DMXL1: variants seen among roughly 807,000 people sequenced by gnomAD.
DMXL1 encodes the protein Dmx like 1, also known as dmX-like protein 1.
A neutral mutation model predicts 319.2 loss-of-function variants in DMXL1; 99 were observed. That is an observed-to-expected ratio of 0.31 (90% CI 0.26 to 0.37). The LOEUF (loss-of-function observed/expected upper bound fraction) is 0.37, where lower values mean the gene tolerates loss of function less well. DMXL1 is among the 10% of genes least tolerant of loss of function. The probability of loss-of-function intolerance (pLI) is 1.00; values close to 1 mark genes in which losing one functional copy is unlikely to be tolerated. For synonymous variants in DMXL1, 1,385 were observed against 1,235.2 expected (o/e 1.12, Z -2.54); for missense variants, 3,745 against 3,595.6 (o/e 1.04, Z -1.06).
At chr5:119,095,387 A>G (rs1009525421) in intron 1 of DMXL1, among the ~76,000 whole-genome samples, 21 of 152,160 alleles carry the variant, frequency 1.4e-4, no homozygotes, top group Admixed American at 9.8e-4. Flanking sequence ...ATTACTTTAC[A>G]TTTCTCAACT....
At chr5:119,123,441 G>A (rs1580844009) in intron 9 of DMXL1, among the ~76,000 whole-genome samples, 2 of 137,226 alleles carry the variant, frequency 1.5e-5, no homozygotes, top group Non-Finnish European at 3.2e-5. Context: ...GAGGGAGAGG[G>A]AGAGGAGGGA....
intron 7 of DMXL1, among the ~76,000 whole-genome samples, chr5:119,117,693 GAA>G (rs1159666124): frequency 1.3e-5 from 2 of 151,940 alleles, no homozygotes; most frequent in Non-Finnish European, 2.9e-5. Flanking sequence ...AAAGGGAGAA[GAA>G]AACAAGGAAG....
At chr5:119,123,430 GGAGGGA>G (rs370624713) in intron 9 of DMXL1, among the ~76,000 whole-genome samples, 1 of 137,816 alleles carries the variant, frequency 7.3e-6, no homozygotes, top group African/African-American at 2.7e-5. Flanking sequence ...GAGAGGGAGA[GGAGGGA>G]GAGGGAGAGG....
chr5:119,221,997 T>C (rs1250975602), intron 37 of DMXL1, among the ~76,000 whole-genome samples: 2 of 152,066 alleles, frequency 1.3e-5, no homozygotes, highest in Non-Finnish European at 2.9e-5. Flanking sequence ...AGAAAGGTGG[T>C]AGGGTTTTTC....
chr5:119,111,416 ATATT>A (rs1268853728), intron 5 of DMXL1, among the ~76,000 whole-genome samples: 3 of 152,200 alleles, frequency 2.0e-5, no homozygotes, highest in South Asian at 2.1e-4. Flanking sequence ...ATGTTTTTAT[ATATT>A]AGGTTAAATA....
chr5:119,213,279 A>G (rs1174707060), intron 34 of DMXL1, among the ~76,000 whole-genome samples: 1 of 152,120 alleles, frequency 6.6e-6, no homozygotes, highest in African/African-American at 2.4e-5. Context: ...GCCCATCATC[A>G]TCTAATTTCT....
chr5:119,209,702 A>T (rs1183002807), intron 34 of DMXL1, among the ~76,000 whole-genome samples: 1 of 152,110 alleles, frequency 6.6e-6, no homozygotes, highest in African/African-American at 2.4e-5. Context: ...CATTTTAACC[A>T]TTCTAGTAGG....
At chr5:119,094,514 G>T (rs911116124) in intron 1 of DMXL1, among the ~76,000 whole-genome samples, 83 of 152,216 alleles carry the variant, frequency 5.5e-4, no homozygotes, top group African/African-American at 1.8e-3. Context: ...GGTGTACAAG[G>T]AGATTAATGT....
intron 32 of DMXL1, among the ~76,000 whole-genome samples, chr5:119,201,955 C>A (rs984264064): frequency 6.6e-6 from 1 of 152,030 alleles, no homozygotes; most frequent in African/African-American, 2.4e-5. Flanking sequence ...TGTATCTTCT[C>A]TCTTTTCTTT....
intron 19 of DMXL1, among the ~76,000 whole-genome samples, chr5:119,153,667 C>T (rs1770340650): frequency 6.6e-6 from 1 of 152,182 alleles, no homozygotes; most frequent in African/African-American, 2.4e-5. Context: ...TGAGATCATG[C>T]AATATTTGTC....
Position 119,170,324 on chromosome 5 carries a change from G to A in DMXL1, c.5533G>A (p.Gly1845Arg). The change falls in exon 24 of 44, where the codon GGA becomes AGA. Residue 1845 changes from glycine to arginine, a missense_variant. By Grantham distance (125) the Gly-to-Arg change is moderately radical (BLOSUM62 -2). Around this residue, in one of 4 missense-constraint regions of DMXL1, gnomAD observed 1,382 missense variants for 1,269.5 expected, o/e 1.09. Coordinates refer to ENST00000539542, the MANE Select transcript of DMXL1 (RefSeq NM_001290321.3). ...STHMSLTGKSGLAGTINLSER... is the reference protein window; with the variant it reads ...STHMSLTGKSRLAGTINLSER... ...ACATATGAGCCTAACAGGAAAAAGT[G>A]GACTGGCAGGAACAATTAATTTAAG... 2 of 1,613,914 alleles carry A rather than the reference G, an allele frequency of 1.2e-6. No individual in the cohort carries two copies. Among genetic ancestry groups the A allele is most frequent in the Non-Finnish European group, 1.7e-6 (2 of 1,179,962 alleles).
chr5:119,081,597 T>A, intron 1 of DMXL1: 2 of 985,358 alleles, frequency 2.0e-6, no homozygotes, highest in Non-Finnish European at 2.4e-6. Context: ...TCCTAAGTGT[T>A]GGATGCAAGA....
chr5:119,176,720 C>T (rs1011956227), intron 26 of DMXL1, among the ~76,000 whole-genome samples: 2 of 151,982 alleles, frequency 1.3e-5, no homozygotes, highest in Admixed American at 1.3e-4. Context: ...ATTCCTTATA[C>T]CATTTTCTGT....
chr5:119,165,301 AAAAG>A, intron 21 of DMXL1, 21 bp downstream of exon 21: 12 of 1,320,230 alleles, frequency 9.1e-6, no homozygotes, highest in South Asian at 2.7e-5. Flanking sequence ...AAAAAAAAAA[AAAAG>A]GGTGCTTCAA....
At chr5:119,127,912 G>A in intron 9 of DMXL1, 1 of 359,684 alleles carries the variant, frequency 2.8e-6, no homozygotes, top group South Asian at 2.5e-5. Flanking sequence ...ACTTTTTCAA[G>A]CAAAAGCTTC....
At position 119,237,321 on chromosome 5, in the gene DMXL1, G is replaced by C; in HGVS notation, c.8467-1G>C. On this transcript the variant is annotated splice_acceptor_variant, in intron 39 of 43. Coordinates refer to ENST00000539542, the MANE Select transcript of DMXL1 (RefSeq NM_001290321.3). LOFTEE classifies it high-confidence loss of function. ...ACTTTTAAATATTTTCTTTCTCTAA[G>C]TTTGGAATAGTTGATGCTGATGGAT... 3 of 1,554,964 alleles carry C rather than the reference G, an allele frequency of 1.9e-6. No individual in the cohort carries two copies. Among genetic ancestry groups the C allele is most frequent in the Non-Finnish European group, 2.6e-6 (3 of 1,135,246 alleles).
Position 119,165,286 on chromosome 5 carries a change from TAA to T in DMXL1, c.4970+23_4970+24del, listed in dbSNP as rs11301800. 0.14 allele frequency: 116,170 copies of T among 852,954 alleles called. 43 individuals are homozygous for T. Among genetic ancestry groups the T allele is most frequent in the East Asian group, 0.21 (7,355 of 35,528 alleles). 52.8% of individuals were successfully genotyped at this position (852,954 alleles called of 1,614,324 possible). ...GTGATTTGGGGATTATATAGGTAGG[TAA>T]AAAAAAAAAAAAAAAAGGGTGCTTC... is the stretch of plus-strand genomic sequence containing the variant. On this transcript the variant is annotated splice_region_variant and intron_variant, in intron 21 of 43. Transcript: ENST00000539542.
chr5:119,143,822 AT>A lies in DMXL1; in HGVS notation c.2377-12del. Reference sequence around the variant, plus strand: ...ATATGAATTGTTTAGTAAATTATAAATTTTTTTAAAAAAAACAGAAATATGT... The same window carrying A: ...ATATGAATTGTTTAGTAAATTATAAATTTTTTAAAAAAAACAGAAATATGT... On this transcript the variant is annotated intron_variant, in intron 13 of 43. Transcript: ENST00000539542. The A allele has an allele frequency of 2.0e-6, 3 of 1,517,986 alleles. No homozygotes were observed. Among genetic ancestry groups the A allele is most frequent in the Non-Finnish European group, 1.8e-6 (2 of 1,122,916 alleles). 94.0% of individuals were successfully genotyped at this position (1,517,986 alleles called of 1,614,324 possible). A position where few individuals can be genotyped will look rare whatever the true frequency, so the allele number is the denominator to read the frequency against.
At position 119,113,160 on chromosome 5, in the gene DMXL1, G is replaced by T. The variant is rs573559291; in HGVS notation, c.498-1315G>T. On this transcript the variant is annotated intron_variant, in intron 5 of 43. Transcript: ENST00000539542. The stretch of plus-strand genomic sequence containing the variant: ...AACATATACAGTGGAATATAAGCCA[G>T]TAAAGTAATAATGTAGATCTGTACA... 7.2e-5 allele frequency among the ~76,000 whole-genome samples: 11 copies of T among 152,292 alleles called. No homozygotes were observed. In the South Asian group the frequency reaches 2.3e-3, roughly 32 times the overall value.
Sources: gnomAD v4.1 joint callset for allele counts (sites outside exome capture counted in the v4.1 genomes callset) on GRCh38, gnomAD v4.1.1 for gene constraint, gnomAD v4.1.1 regional missense constraint, MANE v1.5 for transcripts, NCBI Gene and HGNC (gene_info 2026-07-23, HGNC 2026-07-21) for gene names.